Variants in FAM20A observed in about 807,000 individuals in gnomAD.
The protein encoded by FAM20A is pseudokinase FAM20A.
In FAM20A, 42 loss-of-function variants were observed where a neutral mutation model predicts 52.0. The ratio of observed to expected loss-of-function variants is 0.81; its 90% CI spans 0.63 to 1.04. FAM20A has a LOEUF of 1.04. Among genes scored for constraint, FAM20A ranks in the 50% least tolerant of loss-of-function variants. The pLI, the probability that FAM20A is intolerant of heterozygous loss-of-function variation, is 0.00. For missense variants in FAM20A, 742 were observed against 712.7 expected, an observed-to-expected ratio of 1.04 and a Z score of -0.47; for synonymous variants, 304 against 298.9, an observed-to-expected ratio of 1.02 and a Z score of -0.18.
At chr17:68,556,519 T>C (rs962809005) in intron 1 of FAM20A, among the ~76,000 whole-genome samples, 1 of 142,342 alleles carries the variant, frequency 7.0e-6, no homozygotes, top group African/African-American at 2.6e-5. Context: ...TGAAGTAGCC[T>C]GAGGACAACC....
chr17:68,536,455 A>C lies in FAM20A; in HGVS notation c.*1022T>G, dbSNP rs143059408. ...AGTCAGGGAGAAGGTAGAGGAGACA[A>C]GGAATCCCTACTACACTTTCTTCTA... is the stretch of plus-strand genomic sequence containing the variant. On this transcript the variant is annotated 3_prime_UTR_variant, in exon 11 of 11. Transcript: ENST00000592554. 2.2e-6 allele frequency: 1 copy of C among 454,024 alleles called. No individual in the cohort carries two copies. The highest frequency in any genetic ancestry group is 4.4e-6 in the Non-Finnish European group (1 of 226,786). 28.1% of individuals were successfully genotyped at this position (454,024 alleles called of 1,614,324 possible).
intron 1 of FAM20A, among the ~76,000 whole-genome samples, chr17:68,581,326 GA>G (rs2087939210): frequency 6.9e-6 from 1 of 144,466 alleles, no homozygotes; most frequent in Admixed American, 7.1e-5. Flanking sequence ...CTCTGGAGTT[GA>G]AAAGGTATCT....
chr17:68,590,567 TAAAG>T (rs938509464), intron 1 of FAM20A, among the ~76,000 whole-genome samples: 9 of 152,320 alleles, frequency 5.9e-5, no homozygotes, highest in African/African-American at 2.2e-4. Context: ...AATGCCCAAA[TAAAG>T]ATTCCTATTT....
At chr17:68,582,856 T>G (rs1013105150) in intron 1 of FAM20A, among the ~76,000 whole-genome samples, 1 of 138,358 alleles carries the variant, frequency 7.2e-6, no homozygotes, top group Non-Finnish European at 1.5e-5. Flanking sequence ...TGTAGTGGCA[T>G]GATCTAGGCT....
chr17:68,541,478 A>G (rs569778729), intron 7 of FAM20A: 31 of 189,778 alleles, frequency 1.6e-4, no homozygotes, highest in African/African-American at 7.3e-4. Flanking sequence ...TTTTCCCACG[A>G]TGATCATGAC....
At chr17:68,591,480 C>T (rs2143914253) in intron 1 of FAM20A, among the ~76,000 whole-genome samples, 1 of 152,340 alleles carries the variant, frequency 6.6e-6, no homozygotes, top group Non-Finnish European at 1.5e-5. Flanking sequence ...ACTTCCTTTT[C>T]TTCCTACAGT....
At chr17:68,585,450 TA>T (rs1235078761) in intron 1 of FAM20A, among the ~76,000 whole-genome samples, 2 of 54,570 alleles carry the variant, frequency 3.7e-5, no homozygotes, top group African/African-American at 1.0e-4. Context: ...TGGCTTTATT[TA>T]TTTTTTTTTT....
chr17:68,576,395 C>G (rs558928140), intron 1 of FAM20A, among the ~76,000 whole-genome samples: 2 of 152,314 alleles, frequency 1.3e-5, no homozygotes, highest in African/African-American at 4.8e-5. Flanking sequence ...GTGGCAGGCA[C>G]AGTGCAGTGA....
intron 3 of FAM20A, among the ~76,000 whole-genome samples, chr17:68,554,006 G>GCATATATA (rs71142201): frequency 1.2e-5 from 1 of 86,652 alleles, no homozygotes; most frequent in Admixed American, 1.1e-4. Flanking sequence ...ACACATATAT[G>GCATATATA]CATATATACA....
chr17:68,542,240 C>G lies in FAM20A; in HGVS notation c.929-75G>C, dbSNP rs1568723338. 4.0e-6 allele frequency: 6 copies of G among 1,516,978 alleles called. No homozygotes were observed. In the Admixed American group the frequency reaches 8.8e-5, roughly 22 times the overall value. The allele number at this position is 1,516,978 out of a possible 1,614,324, so 94.0% of individuals were successfully genotyped here. A position where few individuals can be genotyped will look rare whatever the true frequency, so the allele number is the denominator to read the frequency against. ...ATGACATCTTCCTGGCCTAGGAAAT[C>G]CACTGGGAGGGAAGGGAAACCCTGA... On this transcript the variant is annotated intron_variant, in intron 6 of 10. Coordinates refer to ENST00000592554, the MANE Select transcript of FAM20A (RefSeq NM_017565.4).
intron 3 of FAM20A, among the ~76,000 whole-genome samples, chr17:68,553,786 GTATACACATACA>G (rs1006397958): frequency 2.1e-5 from 3 of 142,250 alleles, no homozygotes; most frequent in African/African-American, 5.2e-5. Context: ...ATATATACAT[GTATACACATACA>G]TATATACATA....
intron 1 of FAM20A, among the ~76,000 whole-genome samples, chr17:68,574,430 G>A (rs750407820): frequency 7.2e-5 from 11 of 152,084 alleles, no homozygotes; most frequent in Non-Finnish European, 1.5e-4. Flanking sequence ...CCGTTAATCT[G>A]TTAATCCATG....
chr17:68,548,276 T>C (rs2086659975), intron 4 of FAM20A, among the ~76,000 whole-genome samples: 1 of 151,532 alleles, frequency 6.6e-6, no homozygotes. Context: ...ACGCCTATAA[T>C]CCCAGCACTT....
At chr17:68,551,073 C>G in intron 4 of FAM20A, 1 of 1,234,334 alleles carries the variant, frequency 8.1e-7, no homozygotes, top group Non-Finnish European at 1.0e-6. Context: ...GGGCGATTTT[C>G]TTTTCTGCAG....
intron 1 of FAM20A, among the ~76,000 whole-genome samples, chr17:68,576,862 G>A (rs2087784404): frequency 6.6e-6 from 1 of 152,236 alleles, no homozygotes; most frequent in African/African-American, 2.4e-5. Flanking sequence ...CCCAGGCTGA[G>A]CTAGTTGCCT....
Position 68,555,777 on chromosome 17 carries a change from C to G in FAM20A, c.405-34G>C, listed in dbSNP as rs752646354. 5 of 1,612,496 alleles carry G rather than the reference C, an allele frequency of 3.1e-6. No homozygotes were observed. The Admixed American group carries it at 8.3e-5, about 27-fold the overall frequency. On this transcript the variant is annotated intron_variant, in intron 1 of 10. Transcript: ENST00000592554. ...GCCAGATAGTTGTTCATTAGAGGAACAAGAATGCAAAGACCCACCAAGATA... is the reference window on the plus strand; with the variant it reads ...GCCAGATAGTTGTTCATTAGAGGAAGAAGAATGCAAAGACCCACCAAGATA...
chr17:68,555,512 C>G (rs771290228), intron 2 of FAM20A, 47 bp downstream of exon 2: 1 of 1,599,570 alleles, frequency 6.3e-7, no homozygotes, highest in East Asian at 2.2e-5. Context: ...TACCCAGACT[C>G]TCTGGGAGAA....
intron 8 of FAM20A, among the ~76,000 whole-genome samples, chr17:68,540,393 G>T (rs952459793): frequency 2.0e-5 from 3 of 152,162 alleles, no homozygotes; most frequent in Admixed American, 2.0e-4. Flanking sequence ...ACTTGCTTCC[G>T]ACCTAAGCTC....
At chr17:68,591,630 C>T (rs1364402894) in intron 1 of FAM20A, among the ~76,000 whole-genome samples, 1 of 152,244 alleles carries the variant, frequency 6.6e-6, no homozygotes, top group African/African-American at 2.4e-5. Context: ...CACCTTCAAG[C>T]CTAAAACAGC....
Sources: gnomAD v4.1 joint callset for allele counts (sites outside exome capture counted in the v4.1 genomes callset) on GRCh38, gnomAD v4.1.1 for gene constraint, MANE v1.5 for transcripts, NCBI Gene and HGNC (gene_info 2026-07-23, HGNC 2026-07-21) for gene names.